FBXL13: variants seen among roughly 807,000 people sequenced by gnomAD.
FBXL13 encodes F-box and leucine-rich repeat protein 13.
In FBXL13, 67 loss-of-function variants were observed where a neutral mutation model predicts 83.6. The observed-to-expected ratio is 0.80, with a 90% CI of 0.66 to 0.98. FBXL13 has a LOEUF of 0.98. FBXL13 is among the 50% of genes least tolerant of loss of function. The pLI, the probability that FBXL13 is intolerant of heterozygous loss-of-function variation, is 0.00. For missense variants in FBXL13, 822 were observed against 866.5 expected (o/e 0.95, Z 0.64); for synonymous variants, 272 against 299.5 (o/e 0.91, Z 0.95).
chr7:103,067,337 G>A (rs151271929), intron 1 of FBXL13, among the ~76,000 whole-genome samples: 4 of 152,180 alleles, frequency 2.6e-5, no homozygotes, highest in African/African-American at 9.7e-5. Context: ...ATTTGAAAGT[G>A]ATCATAATGA....
chr7:103,036,715 T>G (rs1440371988), intron 2 of FBXL13, among the ~76,000 whole-genome samples: 4 of 152,174 alleles, frequency 2.6e-5, no homozygotes, highest in African/African-American at 9.7e-5. Context: ...TTTCACCATG[T>G]TGCCCAGGCT....
At chr7:103,022,630 A>G (rs1345903890) in intron 6 of FBXL13, among the ~76,000 whole-genome samples, 2 of 152,198 alleles carry the variant, frequency 1.3e-5, no homozygotes, top group African/African-American at 4.8e-5. Context: ...CACGCGGAAT[A>G]TTGAAACTGG....
At chr7:103,037,592 G>T (rs1795196791) in intron 2 of FBXL13, among the ~76,000 whole-genome samples, 1 of 151,934 alleles carries the variant, frequency 6.6e-6, no homozygotes, top group Non-Finnish European at 1.5e-5. Flanking sequence ...ATCTCTTGAG[G>T]CCAGGAGTTT....
intron 11 of FBXL13, among the ~76,000 whole-genome samples, chr7:102,900,024 G>C (rs1358659571): frequency 1.3e-5 from 2 of 152,116 alleles, no homozygotes; most frequent in South Asian, 2.1e-4. Context: ...TCCAGCCTGG[G>C]TGACAGAGTG....
intron 3 of FBXL13, among the ~76,000 whole-genome samples, chr7:103,029,087 A>G (rs901901499): frequency 7.9e-5 from 12 of 151,750 alleles, no homozygotes; most frequent in Non-Finnish European, 1.8e-4. Context: ...AGGGTTTCAG[A>G]TAAGTGGACT....
chr7:103,054,703 C>T (rs982496859), intron 2 of FBXL13, among the ~76,000 whole-genome samples: 9 of 151,886 alleles, frequency 5.9e-5, no homozygotes, highest in African/African-American at 1.7e-4. Flanking sequence ...AGAGAATGGG[C>T]GGTGGAATGG....
chr7:103,066,630 T>C (rs889105505), intron 1 of FBXL13, among the ~76,000 whole-genome samples: 8 of 151,926 alleles, frequency 5.3e-5, no homozygotes, highest in African/African-American at 1.9e-4. Context: ...CCTGACCTCA[T>C]GATCCACCCG....
intron 8 of FBXL13, among the ~76,000 whole-genome samples, chr7:102,946,778 G>A (rs1421473673): frequency 4.6e-5 from 7 of 151,962 alleles, no homozygotes; most frequent in African/African-American, 1.4e-4. Context: ...GGGTTCAAGC[G>A]ATTCTCCTGC....
chr7:102,981,188 G>A (rs1178534365), intron 6 of FBXL13, among the ~76,000 whole-genome samples: 2 of 152,144 alleles, frequency 1.3e-5, no homozygotes, highest in Non-Finnish European at 2.9e-5. Context: ...AAGAAAAGTG[G>A]CAGCACAGAA....
At chr7:103,001,141 T>C (rs1159545288) in intron 6 of FBXL13, among the ~76,000 whole-genome samples, 1 of 151,788 alleles carries the variant, frequency 6.6e-6, no homozygotes, top group Non-Finnish European at 1.5e-5. Context: ...ATTTTTTTTT[T>C]GTAGAGACAG....
At chr7:102,945,238 G>A (rs1822270146) in intron 8 of FBXL13, among the ~76,000 whole-genome samples, 1 of 152,192 alleles carries the variant, frequency 6.6e-6, no homozygotes, top group African/African-American at 2.4e-5. Context: ...ATTGGAAGCT[G>A]GTTAGAAGCT....
chr7:102,835,767 G>A (rs1457572562), intron 17 of FBXL13, among the ~76,000 whole-genome samples: 1 of 148,802 alleles, frequency 6.7e-6, no homozygotes, highest in Non-Finnish European at 1.5e-5. Flanking sequence ...CCGCCACTAC[G>A]CCCGGCTAAT....
rs1463819182 is a variant in FBXL13 at position 102,970,985 on chromosome 7, T to C, written c.496-2868A>G. Reference sequence around the variant, plus strand: ...AGGTCCAACACACATCTTTACAGAATTTCCAGGAGGGAATAAAGAGAATAA... The same window carrying C: ...AGGTCCAACACACATCTTTACAGAACTTCCAGGAGGGAATAAAGAGAATAA... On this transcript the variant is annotated intron_variant, in intron 6 of 19. Coordinates refer to ENST00000313221, the Ensembl canonical transcript of FBXL13. 3.9e-5 allele frequency among the ~76,000 whole-genome samples: 6 copies of C among 152,132 alleles called. No homozygotes were observed. The East Asian group carries it at 1.2e-3, about 29-fold the overall frequency.
chr7:102,903,946 T>C (rs1423242820), intron 11 of FBXL13, among the ~76,000 whole-genome samples: 7 of 143,038 alleles, frequency 4.9e-5, no homozygotes, highest in Admixed American at 6.9e-5. Flanking sequence ...TTTCTTTTTT[T>C]TTTTTTTTTT....
intron 6 of FBXL13, chr7:102,976,274 C>G: frequency 2.9e-6 from 2 of 685,964 alleles, no homozygotes; most frequent in South Asian, 3.2e-5. Flanking sequence ...GCAACCTATT[C>G]TGCTTTCCCT....
chr7:103,040,528 T>C (rs1020840758), intron 2 of FBXL13, among the ~76,000 whole-genome samples: 4 of 152,180 alleles, frequency 2.6e-5, no homozygotes, highest in African/African-American at 9.7e-5. Context: ...TACACTCTTC[T>C]GAGCATCACG....
intron 6 of FBXL13, among the ~76,000 whole-genome samples, chr7:102,978,001 G>A (rs144262975): frequency 3.7e-4 from 56 of 152,262 alleles, no homozygotes; most frequent in African/African-American, 1.3e-3. Context: ...AATGTTAAAT[G>A]ACGAATTAAT....
chr7:102,965,187 A>G (rs1256538294), intron 7 of FBXL13, among the ~76,000 whole-genome samples: 2 of 152,230 alleles, frequency 1.3e-5, no homozygotes, highest in Non-Finnish European at 2.9e-5. Flanking sequence ...GGGGAAAGGC[A>G]AATGGCAGAC....
intron 11 of FBXL13, among the ~76,000 whole-genome samples, chr7:102,898,981 A>G (rs1461260442): frequency 6.6e-6 from 1 of 152,166 alleles, no homozygotes; most frequent in Non-Finnish European, 1.5e-5. Flanking sequence ...CAGTGGCACA[A>G]TCTCGGCTTA....
Sources: gnomAD v4.1 joint callset for allele counts (sites outside exome capture counted in the v4.1 genomes callset) on GRCh38, gnomAD v4.1.1 for gene constraint, MANE v1.5 for transcripts, NCBI Gene and HGNC (gene_info 2026-07-23, HGNC 2026-07-21) for gene names.